Variants in NRG1 observed in about 807,000 individuals in gnomAD.
NRG1 encodes the protein pro-neuregulin-1, membrane-bound isoform.
In NRG1, 18 loss-of-function variants were observed where a neutral mutation model predicts 63.8. The observed-to-expected ratio is 0.28, with a 90% CI of 0.19 to 0.42. The LOEUF is 0.42. Among genes scored for constraint, NRG1 ranks in the 10% least tolerant of loss-of-function variants. The probability of loss-of-function intolerance (pLI) is 1.00; values close to 1 mark genes in which losing one functional copy is unlikely to be tolerated. For synonymous variants in NRG1, 302 were observed against 301.3 expected (o/e 1.00, Z -0.02); for missense variants, 762 against 814.7 (o/e 0.94, Z 0.79).
Position 31,668,780 on chromosome 8 carries a change from A to G in NRG1, c.37+29349A>G, listed in dbSNP as rs142452104. The stretch of plus-strand genomic sequence containing the variant: ...GTTCCTGGCATAATGTACAGCATAT[A>G]GCAGGAATCCTGTAATCATTGAAGG... On this transcript the variant is annotated intron_variant, in intron 1 of 10. Coordinates refer to the NRG1 transcript ENST00000519301. Among the ~76,000 whole-genome samples, 39 of 152,336 alleles carry G rather than the reference A, an allele frequency of 2.6e-4. No individual in the cohort carries two copies. In the East Asian group the frequency reaches 7.5e-3, roughly 29 times the overall value.
At chr8:32,223,508 T>C (rs1846030373) in intron 1 of NRG1, among the ~76,000 whole-genome samples, 1 of 152,206 alleles carries the variant, frequency 6.6e-6, no homozygotes, top group African/African-American at 2.4e-5. Context: ...GTTTCCTTCT[T>C]TGGTTGAAAA....
At chr8:32,622,148 A>G (rs1848453593) in intron 5 of NRG1, among the ~76,000 whole-genome samples, 1 of 152,118 alleles carries the variant, frequency 6.6e-6, no homozygotes, top group Non-Finnish European at 1.5e-5. Context: ...TCATGCTTGT[A>G]ATCCTAGCAC....
intron 1 of NRG1, among the ~76,000 whole-genome samples, chr8:32,224,574 G>A (rs1586202825): frequency 6.6e-6 from 1 of 152,110 alleles, no homozygotes; most frequent in Admixed American, 6.5e-5. Context: ...TTCTCTAAAC[G>A]AACTGTGTAT....
chr8:32,488,753 A>G (rs563034058), intron 1 of NRG1, among the ~76,000 whole-genome samples: 1 of 152,304 alleles, frequency 6.6e-6, no homozygotes, highest in Admixed American at 6.5e-5. Flanking sequence ...AAATGGAGAG[A>G]CAGTGGGTGG....
intron 1 of NRG1, among the ~76,000 whole-genome samples, chr8:31,797,312 A>T (rs1158097219): frequency 6.6e-6 from 1 of 152,226 alleles, no homozygotes; most frequent in African/African-American, 2.4e-5. Flanking sequence ...ATTTGGAGTT[A>T]TTCCTGTGGA....
chr8:32,205,485 G>A (rs147194452), intron 1 of NRG1, among the ~76,000 whole-genome samples: 1 of 152,060 alleles, frequency 6.6e-6, no homozygotes, highest in Non-Finnish European at 1.5e-5. Context: ...GAAATAAAAC[G>A]CAGGTGTGTT....
chr8:32,724,441 A>C (rs998187488), intron 5 of NRG1, among the ~76,000 whole-genome samples: 12 of 152,170 alleles, frequency 7.9e-5, no homozygotes, highest in African/African-American at 2.9e-4. Context: ...TCTGATTGGC[A>C]TAGGACCGGC....
intron 5 of NRG1, among the ~76,000 whole-genome samples, chr8:32,653,340 C>T (rs760002021): frequency 2.6e-5 from 4 of 152,200 alleles, no homozygotes; most frequent in Non-Finnish European, 5.9e-5. Context: ...ATACCCTCTT[C>T]ATTCAGCATT....
chr8:31,927,861 T>C (rs948074230), intron 1 of NRG1, among the ~76,000 whole-genome samples: 28 of 150,658 alleles, frequency 1.9e-4, no homozygotes, highest in South Asian at 1.0e-3. Flanking sequence ...TTTTAAAAAA[T>C]TTTATTATTA....
chr8:32,470,304 C>T (rs934346235), intron 1 of NRG1, among the ~76,000 whole-genome samples: 2 of 151,936 alleles, frequency 1.3e-5, no homozygotes, highest in African/African-American at 4.8e-5. Flanking sequence ...CCTCAGCCTC[C>T]AGAGTAGCTG....
intron 1 of NRG1, among the ~76,000 whole-genome samples, chr8:31,723,075 A>G (rs778522442): frequency 6.6e-6 from 1 of 152,166 alleles, no homozygotes; most frequent in African/African-American, 2.4e-5. Context: ...TTGAGGCAGA[A>G]CTCATCTTAG....
At chr8:31,741,354 CT>C (rs1366921109) in intron 1 of NRG1, among the ~76,000 whole-genome samples, 17 of 151,748 alleles carry the variant, frequency 1.1e-4, no homozygotes, top group South Asian at 2.1e-4. Flanking sequence ...CATGTACCCC[CT>C]GAATCTAAAA....
intron 1 of NRG1, among the ~76,000 whole-genome samples, chr8:31,910,065 C>T (rs1001734256): frequency 2.6e-5 from 4 of 152,170 alleles, no homozygotes; most frequent in Admixed American, 2.6e-4. Context: ...AAACAGAGTG[C>T]CCTGATAAAA....
At chr8:32,218,187 T>C (rs2132454816) in intron 1 of NRG1, among the ~76,000 whole-genome samples, 1 of 152,344 alleles carries the variant, frequency 6.6e-6, no homozygotes, top group African/African-American at 2.4e-5. Context: ...TCTCTGTGCA[T>C]AGTGAGCTGT....
intron 1 of NRG1, among the ~76,000 whole-genome samples, chr8:31,886,122 A>G (rs1267522174): frequency 1.3e-5 from 2 of 152,116 alleles, no homozygotes; most frequent in Non-Finnish European, 2.9e-5. Context: ...AATCCCTTCT[A>G]TTTGTCAGTT....
At chr8:32,431,014 C>G (rs1263811700) in intron 1 of NRG1, among the ~76,000 whole-genome samples, 3 of 152,050 alleles carry the variant, frequency 2.0e-5, no homozygotes, top group Non-Finnish European at 4.4e-5. Flanking sequence ...TCTCCTGAAG[C>G]CTGTTACCTC....
chr8:32,065,760 C>G (rs796525554), intron 1 of NRG1, among the ~76,000 whole-genome samples: 1 of 152,116 alleles, frequency 6.6e-6, no homozygotes, highest in Non-Finnish European at 1.5e-5. Flanking sequence ...GGAATCGCCA[C>G]CCTGACTTCC....
At chr8:32,074,767 C>A (rs1826236521) in intron 1 of NRG1, among the ~76,000 whole-genome samples, 1 of 152,128 alleles carries the variant, frequency 6.6e-6, no homozygotes, top group Admixed American at 6.5e-5. Context: ...TTGTAGATTT[C>A]TTTCATTGTC....
chr8:32,619,165 G>A (rs188962078), intron 5 of NRG1, among the ~76,000 whole-genome samples: 49 of 152,236 alleles, frequency 3.2e-4, no homozygotes, highest in African/African-American at 1.1e-3. Context: ...AGTGAGCTGT[G>A]ATTGTGCCAC....
Sources: gnomAD v4.1 joint callset for allele counts (sites outside exome capture counted in the v4.1 genomes callset) on GRCh38, gnomAD v4.1.1 for gene constraint, MANE v1.5 for transcripts, NCBI Gene and HGNC (gene_info 2026-07-23, HGNC 2026-07-21) for gene names.